Variants in ARL17B observed in about 807,000 individuals in gnomAD.
ARL17B encodes ARF like GTPase 17B.
intron 4 of ARL17B, among the ~76,000 whole-genome samples, chr17:46,279,551 G>A (rs575344318): frequency 4.0e-5 from 6 of 149,338 alleles, no homozygotes; most frequent in Admixed American, 1.3e-4. Flanking sequence ...GTCCAGGCTG[G>A]AGTGTAGTTG....
intron 4 of ARL17B, among the ~76,000 whole-genome samples, chr17:46,278,221 C>T (rs1188472739): frequency 6.6e-6 from 1 of 152,166 alleles, no homozygotes; most frequent in Non-Finnish European, 1.5e-5. Flanking sequence ...GCTGGGATTA[C>T]AGGCATAAGC....
intron 4 of ARL17B, among the ~76,000 whole-genome samples, chr17:46,289,160 G>T (rs1429488066): frequency 1.3e-5 from 2 of 152,222 alleles, no homozygotes; most frequent in Non-Finnish European, 2.9e-5. Flanking sequence ...TTGGTGTAAA[G>T]AAATCATATC....
chr17:46,287,621 ATGG>A (rs1178208614), intron 4 of ARL17B, among the ~76,000 whole-genome samples: 4 of 152,298 alleles, frequency 2.6e-5, no homozygotes, highest in Non-Finnish European at 5.9e-5. Context: ...ATAATGGAAT[ATGG>A]CATGGGCCAC....
At chr17:46,292,383 T>A (rs150325706) in intron 4 of ARL17B, among the ~76,000 whole-genome samples, 35,705 of 77,924 alleles carry the variant, frequency 0.46, 16,707 homozygotes, top group Non-Finnish European at 0.93. Context: ...TGGATAACAT[T>A]GCCAGTATAA....
chr17:46,288,583 C>A (rs1382836533), intron 4 of ARL17B, among the ~76,000 whole-genome samples: 2 of 151,702 alleles, frequency 1.3e-5, no homozygotes, highest in African/African-American at 4.9e-5. Context: ...CAGGTGTGAG[C>A]CACAGGGCCC....
At chr17:46,289,492 C>A (rs1290485570) in intron 4 of ARL17B, among the ~76,000 whole-genome samples, 5 of 152,142 alleles carry the variant, frequency 3.3e-5, no homozygotes, top group Non-Finnish European at 7.3e-5. Flanking sequence ...TTCTTAAAAT[C>A]TGACTTAAAA....
Position 46,278,414 on chromosome 17 carries a change from TG to T in ARL17B, c.*22-2997del, listed in dbSNP as rs796271437. On this transcript the variant is annotated intron_variant, in intron 4 of 4. Transcript: ENST00000570618. Reference sequence around the variant, plus strand: ...TTGTTTTATTTTGTTTTTTTTTTGTTGTTGTTTTAAGATGGAGTCTTGCTCT... The same window carrying T: ...TTGTTTTATTTTGTTTTTTTTTTGTTTTGTTTTAAGATGGAGTCTTGCTCT... 2.5e-3 allele frequency among the ~76,000 whole-genome samples: 218 copies of T among 87,990 alleles called. 4 individuals carry two copies. Among genetic ancestry groups the T allele is most frequent in the East Asian group, 0.023 (59 of 2,592 alleles). The allele number at this position is 87,990 out of a possible 152,430, so 57.7% of individuals were successfully genotyped here. A position where few individuals can be genotyped will look rare whatever the true frequency, so the allele number is the denominator to read the frequency against.
At chr17:46,350,566 A>G (rs1032263844) in intron 3 of ARL17B, among the ~76,000 whole-genome samples, 6 of 84,478 alleles carry the variant, frequency 7.1e-5, no homozygotes, top group African/African-American at 2.0e-4. Context: ...CAGTTAAAAA[A>G]AAAAAAAAAG....
intron 4 of ARL17B, among the ~76,000 whole-genome samples, chr17:46,289,923 C>T (rs1466745698): frequency 6.6e-6 from 1 of 152,206 alleles, no homozygotes; most frequent in Non-Finnish European, 1.5e-5. Context: ...AGCTCAAGAG[C>T]AGCCTGGCCA....
intron 4 of ARL17B, among the ~76,000 whole-genome samples, chr17:46,281,397 CT>C (rs377017899): frequency 9.8e-5 from 14 of 142,154 alleles, no homozygotes; most frequent in Non-Finnish European, 9.5e-5. Context: ...TTATTCTTGT[CT>C]TTTTTTTTTG....
intron 3 of ARL17B, among the ~76,000 whole-genome samples, chr17:46,317,162 C>G (rs550053872): frequency 5.0e-3 from 411 of 82,574 alleles, no homozygotes; most frequent in Middle Eastern, 0.026. Context: ...CGGGCAGAGG[C>G]GCTCCTCACA....
rs374208115 is a variant in ARL17B, at chr17:46,317,267, A to C, written c.260-17602T>G. 4.7e-4 allele frequency among the ~76,000 whole-genome samples: 38 copies of C among 81,378 alleles called. 6 individuals are homozygous for C. In the East Asian group the frequency reaches 8.7e-3, roughly 19 times the overall value. The allele number at this position is 81,378 out of a possible 152,430, so 53.4% of individuals were successfully genotyped here. On this transcript the variant is annotated intron_variant, in intron 3 of 4. Transcript: ENST00000434041. ...TGGTATCCAACTCCTGGCTTCAAGC[A>C]ATTCTTGAGCCTCAAGCCTCCCAAG...
chr17:46,331,137 C>T (rs776394391), downstream of ARL17B: 4 of 728,612 alleles, frequency 5.5e-6, no homozygotes, highest in African/African-American at 5.3e-5. Context: ...AGTGCAAAGG[C>T]TAGAGTTACA....
chr17:46,286,266 A>C (rs2732617), intron 4 of ARL17B, among the ~76,000 whole-genome samples: 17,990 of 152,222 alleles, frequency 0.12, no homozygotes, highest in Non-Finnish European at 0.18. Context: ...TTTGATGTTA[A>C]GAACAAGCAG....
chr17:46,287,697 G>A (rs1352753759), intron 4 of ARL17B, among the ~76,000 whole-genome samples: 29 of 152,254 alleles, frequency 1.9e-4, no homozygotes, highest in African/African-American at 7.0e-4. Flanking sequence ...AACGGGTAGG[G>A]AACGTGGAAG....
intron 3 of ARL17B, chr17:46,305,658 TATG>T (rs2050534165): frequency 2.3e-6 from 1 of 430,914 alleles, no homozygotes; most frequent in Non-Finnish European, 4.3e-6. Context: ...ATTCTTGAAA[TATG>T]ATTAAAATTT....
intron 4 of ARL17B, among the ~76,000 whole-genome samples, chr17:46,276,662 C>G (rs1193226976): frequency 6.6e-6 from 1 of 152,172 alleles, no homozygotes; most frequent in Non-Finnish European, 1.5e-5. Flanking sequence ...ATAATAAAAT[C>G]AAGTTTCAAT....
At chr17:46,351,827 G>A (rs954935220) in intron 3 of ARL17B, among the ~76,000 whole-genome samples, 2 of 152,216 alleles carry the variant, frequency 1.3e-5, no homozygotes, top group African/African-American at 4.8e-5. Flanking sequence ...ATTCTAAAAT[G>A]AGAAATTTGT....
chr17:46,323,534 T>C (rs2051516876), intron 3 of ARL17B, among the ~76,000 whole-genome samples: 2 of 90,666 alleles, frequency 2.2e-5, no homozygotes, highest in Admixed American at 2.2e-4. Flanking sequence ...GTAGCTGGGA[T>C]TACAGGCGCA....
Sources: allele counts gnomAD v4.1 joint callset (sites outside exome capture counted in the v4.1 genomes callset), GRCh38; gene constraint gnomAD v4.1.1; transcripts MANE v1.5; gene names NCBI Gene and HGNC (gene_info 2026-07-23, HGNC 2026-07-21).